The following AGO2 variants were observed in gnomAD, a reference collection of about 807,000 sequenced individuals.
The protein encoded by AGO2 is protein argonaute-2.
A neutral mutation model predicts 102.3 loss-of-function variants in AGO2; 5 were observed. That is an observed-to-expected ratio of 0.05 (90% confidence interval 0.03 to 0.10). AGO2 has a LOEUF of 0.10. Among genes scored for constraint, AGO2 ranks in the 10% least tolerant of loss-of-function variants. The probability of loss-of-function intolerance (pLI) is 1.00; values close to 1 mark genes in which losing one functional copy is unlikely to be tolerated. For missense variants in AGO2, 541 were observed against 1,183.7 expected (o/e 0.46, Z 7.97); for synonymous variants, 449 against 473.1 (o/e 0.95, Z 0.66).
chr8:140,634,169 G>T (rs1420876751), intron 1 of AGO2, among the ~76,000 whole-genome samples: 1 of 152,252 alleles, frequency 6.6e-6, no homozygotes, highest in Non-Finnish European at 1.5e-5. Flanking sequence ...GCCCTCAGGG[G>T]TTGAAAAGTT....
At chr8:140,614,695 C>T (rs1436617999) in intron 1 of AGO2, among the ~76,000 whole-genome samples, 1 of 152,224 alleles carries the variant, frequency 6.6e-6, no homozygotes, top group Non-Finnish European at 1.5e-5. Context: ...ACCACCAGGT[C>T]TGAATCCAGG....
At position 140,572,812 on chromosome 8, in the gene AGO2, C is replaced by T; in HGVS notation, c.336G>A (p.Lys112=). 1.9e-6 allele frequency: 3 copies of T among 1,610,076 alleles called. No individual in the cohort carries two copies. The highest frequency in any genetic ancestry group is 2.5e-6 in the Non-Finnish European group (3 of 1,178,850). Residue 112 remains lysine, a splice_region_variant and synonymous_variant, in exon 3 of 19, where the codon AAG becomes AAA. Transcript: ENST00000220592. ...TAMPLPIGRD[K]VELEVTLPGE... ...ACCAAGGGCATCCCGGCGAGCTTAC[C>T]TTGTCCCTCCCAATCGGAAGGGGCA...
intron 1 of AGO2, among the ~76,000 whole-genome samples, chr8:140,619,734 C>T (rs77697939): frequency 0.16 from 23,696 of 152,194 alleles, 2,443 homozygotes; most frequent in Admixed American, 0.31. Flanking sequence ...TCTACAGGCA[C>T]GCTAGGTTTC....
intron 3 of AGO2, 83 bp downstream of exon 3, chr8:140,572,729 G>C (rs1276523741): frequency 2.0e-6 from 3 of 1,531,474 alleles, no homozygotes; most frequent in East Asian, 2.3e-5. Context: ...TCGTGTATGA[G>C]AACAGGCATG....
intron 4 of AGO2, among the ~76,000 whole-genome samples, chr8:140,561,051 G>A (rs1046275628): frequency 4.6e-5 from 7 of 152,250 alleles, no homozygotes; most frequent in African/African-American, 1.7e-4. Flanking sequence ...GGAGCTGCCC[G>A]CTGTGGGCTC....
intron 1 of AGO2, among the ~76,000 whole-genome samples, chr8:140,621,904 A>T (rs2152107724): frequency 6.6e-6 from 1 of 152,290 alleles, no homozygotes. Context: ...TTAAACACAG[A>T]GTGACCATCT....
At chr8:140,640,353 A>C (rs2074433229), upstream of AGO2, among the ~76,000 whole-genome samples, 1 of 151,542 alleles carries the variant, frequency 6.6e-6, no homozygotes, top group Admixed American at 6.6e-5. Context: ...TTTTCTTTTC[A>C]AACTGTATTT....
At chr8:140,611,830 G>A (rs913902122) in intron 1 of AGO2, among the ~76,000 whole-genome samples, 1 of 152,184 alleles carries the variant, frequency 6.6e-6, no homozygotes, top group Admixed American at 6.5e-5. Flanking sequence ...GGCTGATGGT[G>A]TCTGTTGCAA....
At chr8:140,536,544 C>T (rs1003192898) in intron 16 of AGO2, among the ~76,000 whole-genome samples, 1 of 152,168 alleles carries the variant, frequency 6.6e-6, no homozygotes, top group African/African-American at 2.4e-5. Flanking sequence ...TCAGGCTGGT[C>T]TTGAACTCCT....
At chr8:140,615,408 C>T (rs550637049) in intron 1 of AGO2, among the ~76,000 whole-genome samples, 9 of 152,372 alleles carry the variant, frequency 5.9e-5, no homozygotes, top group African/African-American at 1.7e-4. Context: ...CTCTAGGCCC[C>T]GGGCCCCCAG....
At chr8:140,620,545 A>G (rs1588512297) in intron 1 of AGO2, among the ~76,000 whole-genome samples, 1 of 152,224 alleles carries the variant, frequency 6.6e-6, no homozygotes, top group East Asian at 1.9e-4. Context: ...GTACATTTGA[A>G]TTTTTCCACA....
At chr8:140,565,474 AAAC>A in intron 3 of AGO2, among the ~76,000 whole-genome samples, 1 of 149,054 alleles carries the variant, frequency 6.7e-6, no homozygotes, top group East Asian at 2.0e-4. Flanking sequence ...AAAAAACAAA[AAAC>A]AAAAAAATAC....
Position 140,600,269 on chromosome 8 carries a change from T to C in AGO2, c.23-14958A>G, listed in dbSNP as rs11774599. ...ACATGTATGAAGTCTACTCGAAAGA[T>C]GTGTCCTTTAATTACTCCTGCACTT... On this transcript the variant is annotated intron_variant, in intron 1 of 18. Transcript: ENST00000220592. 6.3e-3 allele frequency among the ~76,000 whole-genome samples: 962 copies of C among 152,374 alleles called. 9 individuals carry two copies. The highest frequency in any genetic ancestry group is 9.9e-3 in the Non-Finnish European group (677 of 68,042).
At chr8:140,592,753 C>T (rs913466929) in intron 1 of AGO2, 2 of 152,462 alleles carry the variant, frequency 1.3e-5, no homozygotes, top group African/African-American at 4.8e-5. Context: ...GCCTTGGCCT[C>T]CCAAAGTGCT....
chr8:140,607,470 A>G lies in AGO2; in HGVS notation c.23-22159T>C, dbSNP rs1243311282. On this transcript the variant is annotated intron_variant, in intron 1 of 18. Coordinates refer to ENST00000220592, the MANE Select transcript of AGO2 (RefSeq NM_012154.5). ...TCTTAAAGAAAAATTATATATATAT[A>G]TATATATATATATATATATATATAT... Among the ~76,000 whole-genome samples, 38 of 9,308 alleles carry G rather than the reference A, an allele frequency of 4.1e-3. 2 individuals carry two copies. The highest frequency in any genetic ancestry group is 7.6e-3 in the South Asian group (2 of 264). The allele number at this position is 9,308 out of a possible 152,430, so 6.1% of individuals were successfully genotyped here. A position where few individuals can be genotyped will look rare whatever the true frequency, so the allele number is the denominator to read the frequency against.
At chr8:140,566,482 A>G (rs932816429) in intron 3 of AGO2, among the ~76,000 whole-genome samples, 1 of 152,218 alleles carries the variant, frequency 6.6e-6, no homozygotes, top group Admixed American at 6.5e-5. Context: ...CATTAGTGCT[A>G]CTTCATAATA....
intron 1 of AGO2, among the ~76,000 whole-genome samples, chr8:140,587,211 C>A (rs1302486159): frequency 1.3e-5 from 2 of 152,188 alleles, no homozygotes; most frequent in Non-Finnish European, 2.9e-5. Context: ...CTGCACGCAG[C>A]CTGGTACTAA....
rs919526920 is a variant in AGO2 at position 140,558,386 on chromosome 8, T to C, written c.878+99A>G. 45 of 1,334,218 alleles carry C rather than the reference T, an allele frequency of 3.4e-5. No homozygotes were observed. The Admixed American group carries it at 4.0e-4, about 12-fold the overall frequency. 82.6% of individuals were successfully genotyped at this position (1,334,218 alleles called of 1,614,324 possible). ...ATTGAAAAACAGCATGAAATGGTCCTTTCTGGAGAATGGGCACAGAATCAT... is the reference window on the plus strand; with the variant it reads ...ATTGAAAAACAGCATGAAATGGTCCCTTCTGGAGAATGGGCACAGAATCAT... On this transcript the variant is annotated intron_variant, in intron 7 of 18. Transcript: ENST00000220592.
intron 1 of AGO2, among the ~76,000 whole-genome samples, chr8:140,591,009 C>T (rs1357741470): frequency 6.6e-6 from 1 of 152,148 alleles, no homozygotes; most frequent in African/African-American, 2.4e-5. Context: ...GGAGCTTTTG[C>T]CTTCACTCCC....
Sources: allele counts gnomAD v4.1 joint callset (sites outside exome capture counted in the v4.1 genomes callset), GRCh38; gene constraint gnomAD v4.1.1; transcripts MANE v1.5; gene names NCBI Gene and HGNC (gene_info 2026-07-23, HGNC 2026-07-21).